The following NECAB3 variants were observed in gnomAD, a reference collection of about 807,000 sequenced individuals.
NECAB3 encodes the protein N-terminal EF-hand calcium binding protein 3, also known as N-terminal EF-hand calcium-binding protein 3.
A neutral mutation model predicts 57.2 loss-of-function variants in NECAB3; 38 were observed. The ratio of observed to expected loss-of-function variants is 0.66; its 90% CI spans 0.51 to 0.87. NECAB3 has a LOEUF of 0.87. NECAB3 is among the 40% of genes least tolerant of loss of function. NECAB3 has a pLI of 0.00. For synonymous variants in NECAB3, 223 were observed against 222.6 expected (o/e 1.00, Z -0.02); for missense variants, 474 against 527.5 (o/e 0.90, Z 0.99).
intron 1 of NECAB3, 51 bp from the exon 2 acceptor site, chr20:33,672,473 A>T: frequency 6.2e-7 from 1 of 1,609,924 alleles, no homozygotes; most frequent in South Asian, 1.1e-5. Context: ...CTGGGAAGCC[A>T]GAGGCCCCCA....
intron 5 of NECAB3, chr20:33,664,523 C>G (rs542068479): frequency 1.2e-5 from 2 of 168,248 alleles, no homozygotes; most frequent in Admixed American, 5.9e-5. Flanking sequence ...TCCTTCCCCA[C>G]GTGACAAAGA....
chr20:33,667,651 C>A (rs1208608153), intron 5 of NECAB3: 6 of 1,609,260 alleles, frequency 3.7e-6, no homozygotes, highest in Non-Finnish European at 4.2e-6. Flanking sequence ...AGGCAGCACC[C>A]TGTCGCGCTA....
Position 33,670,679 on chromosome 20 carries a change from C to T in NECAB3, c.263+5G>A. On this transcript the variant is annotated splice_donor_5th_base_variant and intron_variant, in intron 3 of 11. Transcript: ENST00000246190. ...CATCTACCCACGGCCCCCTCTCATA[C>T]TCACTCGGTGAGATGCCCATCAATG... 3 of 1,609,546 alleles carry T rather than the reference C, an allele frequency of 1.9e-6. No homozygotes were observed. Among genetic ancestry groups the T allele is most frequent in the Non-Finnish European group, 2.5e-6 (3 of 1,176,536 alleles).
At chr20:33,667,457 C>G in intron 5 of NECAB3, 1 of 1,427,796 alleles carries the variant, frequency 7.0e-7, no homozygotes, top group Non-Finnish European at 9.1e-7. Flanking sequence ...GAAAGGGTGG[C>G]GGAGCTGCTG....
intron 5 of NECAB3, chr20:33,667,668 G>C: frequency 6.2e-7 from 1 of 1,611,536 alleles, no homozygotes; most frequent in East Asian, 2.2e-5. Flanking sequence ...GCTACCTGCG[G>C]GATCTGCTGG....
At chr20:33,658,210 T>C (rs1039664742) in intron 10 of NECAB3, among the ~76,000 whole-genome samples, 177 bp from the exon 11 acceptor site, 11 of 152,172 alleles carry the variant, frequency 7.2e-5, no homozygotes, top group African/African-American at 2.7e-4. Flanking sequence ...GGCATAGGCA[T>C]TGTCACATAC....
intron 5 of NECAB3, chr20:33,664,422 C>G (rs1264257283): frequency 6.1e-6 from 1 of 163,318 alleles, no homozygotes; most frequent in African/African-American, 2.4e-5. Context: ...TCTGGCCCCT[C>G]ACTCCTACAC....
Position 33,658,775 on chromosome 20 carries a change from G to A in NECAB3, c.939C>T (p.His313=), listed in dbSNP as rs199705895. The A allele has an allele frequency of 1.5e-5, 24 of 1,613,630 alleles. No individual in the cohort carries two copies. Among genetic ancestry groups the A allele is most frequent in the Admixed American group, 1.3e-4 (8 of 60,014 alleles). Residue 313 remains histidine (H), a synonymous_variant, in exon 9 of 12, where the codon CAC becomes CAT. Coordinates refer to ENST00000246190, the MANE Select transcript of NECAB3 (RefSeq NM_031232.4). ...QVAEEGLQDF[H]RALRCYVDFT... ...AGTCCACATAGCAGCGCAGGGCTCG[G>A]TGGAAGTCCTGCAGGCCTTCCTCTG...
chr20:33,670,039 A>G (rs1434851995), intron 3 of NECAB3, among the ~76,000 whole-genome samples: 1 of 152,212 alleles, frequency 6.6e-6, no homozygotes, highest in Non-Finnish European at 1.5e-5. Context: ...CAAGGCAATG[A>G]AGTCCAGGGA....
At chr20:33,671,640 C>G (rs777875820) in intron 2 of NECAB3, among the ~76,000 whole-genome samples, 5 of 152,234 alleles carry the variant, frequency 3.3e-5, no homozygotes, top group Admixed American at 6.5e-5. Context: ...ACGGGCCACA[C>G]AGGGCACAGT....
intron 7 of NECAB3, 24 bp downstream of exon 7, chr20:33,659,861 C>T: frequency 6.5e-7 from 1 of 1,540,096 alleles, no homozygotes. Flanking sequence ...CTCGGCCAGG[C>T]CTCCCACCCC....
intron 5 of NECAB3, chr20:33,665,559 G>C (rs1401215331): frequency 7.2e-5 from 11 of 152,242 alleles, no homozygotes; most frequent in African/African-American, 2.7e-4. Flanking sequence ...TTTCACCCTT[G>C]CTCTTGATAT....
At chr20:33,668,339 C>A in intron 5 of NECAB3, 1 of 1,479,306 alleles carries the variant, frequency 6.8e-7, no homozygotes, top group Non-Finnish European at 9.1e-7. Context: ...TTGGAGCTGA[C>A]TGGATGGGTC....
chr20:33,660,463 C>A lies in NECAB3; in HGVS notation c.388-68G>T. 1 of 1,580,320 alleles carries A rather than the reference C, an allele frequency of 6.3e-7. No individual in the cohort carries two copies. The highest frequency in any genetic ancestry group is 1.1e-5 in the South Asian group (1 of 88,282). ...ACTGATCTCTTGAGTGGGTCCCCTG[C>A]CTCTTGCCCATCAGAGCAGCGGTGG... On this transcript the variant is annotated intron_variant, in intron 5 of 11. Coordinates refer to ENST00000246190, the MANE Select transcript of NECAB3 (RefSeq NM_031232.4). The surrounding 1 kb of genome is among the most constrained non-coding windows in gnomAD (Gnocchi z 4.1).
chr20:33,663,593 G>A (rs1210498414), intron 5 of NECAB3: 2 of 1,611,298 alleles, frequency 1.2e-6, no homozygotes, highest in Non-Finnish European at 8.5e-7. Context: ...GCTGGGCAAC[G>A]GATTGACTAC....
intron 2 of NECAB3, 111 bp downstream of exon 2, chr20:33,672,287 C>G: frequency 7.5e-7 from 1 of 1,334,738 alleles, no homozygotes; most frequent in East Asian, 2.3e-5. Flanking sequence ...TTTTGGGCCC[C>G]CAAGATTTGT....
chr20:33,663,739 G>A (rs1238269660), intron 5 of NECAB3: 4 of 1,525,852 alleles, frequency 2.6e-6, no homozygotes, highest in East Asian at 5.0e-5. Context: ...AGAGGGCGGG[G>A]CCAGGGCAGC....
intron 4 of NECAB3, 68 bp from the exon 5 acceptor site, chr20:33,669,540 C>G (rs995367806): frequency 1.3e-6 from 2 of 1,582,394 alleles, no homozygotes; most frequent in Admixed American, 3.5e-5. Context: ...GGATTCTGGC[C>G]CCCTGGAATT....
At chr20:33,658,667 CCT>C (rs1335472859) in intron 9 of NECAB3, 53 bp downstream of exon 9, 1 of 1,597,762 alleles carries the variant, frequency 6.3e-7, no homozygotes, top group Non-Finnish European at 8.6e-7. Flanking sequence ...CCCCAGCACC[CCT>C]CTCTGCTCAC....
Sources: allele counts gnomAD v4.1 joint callset (sites outside exome capture counted in the v4.1 genomes callset), GRCh38; gene constraint gnomAD v4.1.1; non-coding constraint Gnocchi (gnomAD v3.1); transcripts MANE v1.5; gene names NCBI Gene and HGNC (gene_info 2026-07-23, HGNC 2026-07-21).